CPA6: variants seen among roughly 807,000 people sequenced by gnomAD.
CPA6 encodes carboxypeptidase B.
A neutral mutation model predicts 63.3 loss-of-function variants in CPA6; 58 were observed. The ratio of observed to expected loss-of-function variants is 0.92; its 90% CI spans 0.74 to 1.14. The LOEUF (loss-of-function observed/expected upper bound fraction) is 1.14, where lower values mean the gene tolerates loss of function less well. Among genes scored for constraint, CPA6 ranks in the 50% most tolerant of loss-of-function variants. The probability of loss-of-function intolerance (pLI) is 0.00; values close to 1 mark genes in which losing one functional copy is unlikely to be tolerated. For missense variants in CPA6, 565 were observed against 526.6 expected (o/e 1.07, Z -0.71); for synonymous variants, 185 against 179.0 (o/e 1.03, Z -0.27).
chr8:67,520,134 C>T (rs542848721), intron 2 of CPA6, among the ~76,000 whole-genome samples: 16 of 151,284 alleles, frequency 1.1e-4, no homozygotes, highest in Admixed American at 9.9e-4. Context: ...TTGCTGCCAC[C>T]CCTTAATGCC....
chr8:67,620,891 A>G (rs1270489491), intron 2 of CPA6, among the ~76,000 whole-genome samples: 3 of 152,218 alleles, frequency 2.0e-5, no homozygotes, highest in Non-Finnish European at 4.4e-5. Context: ...CTTGGCTGGC[A>G]TTTGGAAAGT....
At chr8:67,594,751 C>T (rs1053947534) in intron 2 of CPA6, among the ~76,000 whole-genome samples, 1 of 152,170 alleles carries the variant, frequency 6.6e-6, no homozygotes, top group Admixed American at 6.5e-5. Flanking sequence ...AAGCACTTCT[C>T]TATATTGGTT....
chr8:67,599,628 T>G (rs73692549), intron 2 of CPA6, among the ~76,000 whole-genome samples: 5,115 of 152,306 alleles, frequency 0.034, 128 homozygotes, highest in African/African-American at 0.069. Context: ...AAAACAAGTA[T>G]GAGCCAATGC....
intron 2 of CPA6, among the ~76,000 whole-genome samples, chr8:67,612,317 T>C (rs1814829379): frequency 6.6e-6 from 1 of 152,204 alleles, no homozygotes; most frequent in South Asian, 2.1e-4. Context: ...GTATCTATAT[T>C]ATCAAAAGCC....
intron 2 of CPA6, among the ~76,000 whole-genome samples, chr8:67,570,245 A>C (rs967305574): frequency 2.0e-5 from 3 of 152,224 alleles, no homozygotes; most frequent in African/African-American, 7.2e-5. Context: ...AGGAAGAAAT[A>C]AAACTTCCCC....
chr8:67,639,088 G>C (rs427451), intron 1 of CPA6, among the ~76,000 whole-genome samples: 39,862 of 151,406 alleles, frequency 0.26, 5,814 homozygotes, highest in South Asian at 0.33. Context: ...ACAAAGAGCA[G>C]AATTAGGCCT....
intron 2 of CPA6, among the ~76,000 whole-genome samples, chr8:67,609,531 C>T (rs1814748609): frequency 1.3e-5 from 2 of 152,138 alleles, no homozygotes; most frequent in Admixed American, 1.3e-4. Context: ...TCTTGACCAA[C>T]CTTGTCCAAG....
intron 1 of CPA6, among the ~76,000 whole-genome samples, chr8:67,642,793 T>A (rs201158587): frequency 0.031 from 4,488 of 145,154 alleles, 89 homozygotes; most frequent in South Asian, 0.086. Context: ...GGCCTTTATC[T>A]CACACACACA....
At chr8:67,681,190 C>T (rs1816584572) in intron 1 of CPA6, among the ~76,000 whole-genome samples, 1 of 127,688 alleles carries the variant, frequency 7.8e-6, no homozygotes, top group African/African-American at 3.5e-5. Flanking sequence ...CCCAAGGTCA[C>T]AAAGATTTTC....
intron 1 of CPA6, among the ~76,000 whole-genome samples, chr8:67,670,549 A>C (rs994222560): frequency 1.3e-5 from 2 of 152,208 alleles, no homozygotes; most frequent in Admixed American, 6.5e-5. Context: ...ATCACTGATA[A>C]GCCATTTATT....
chr8:67,488,491 C>T (rs1811534085), intron 6 of CPA6, among the ~76,000 whole-genome samples: 2 of 152,184 alleles, frequency 1.3e-5, no homozygotes, highest in African/African-American at 4.8e-5. Flanking sequence ...TAGCCTGATG[C>T]CTCCAGCTTT....
chr8:67,676,151 C>A (rs1031736787), intron 1 of CPA6, among the ~76,000 whole-genome samples: 2 of 152,148 alleles, frequency 1.3e-5, no homozygotes, highest in African/African-American at 4.8e-5. Context: ...TGGTCTTTTG[C>A]TTTTTAGCGG....
At chr8:67,647,972 A>G (rs1306350925) in intron 1 of CPA6, among the ~76,000 whole-genome samples, 1 of 152,204 alleles carries the variant, frequency 6.6e-6, no homozygotes, top group Non-Finnish European at 1.5e-5. Context: ...GATATTGGGT[A>G]TCACTCTATG....
intron 2 of CPA6, among the ~76,000 whole-genome samples, chr8:67,534,724 T>TA (rs980631915): frequency 6.6e-5 from 10 of 151,780 alleles, no homozygotes; most frequent in South Asian, 2.1e-4. Flanking sequence ...CTTTTTTTTT[T>TA]AAAAAATTAT....
intron 1 of CPA6, among the ~76,000 whole-genome samples, chr8:67,696,923 C>CT (rs1044883416): frequency 1.3e-5 from 2 of 152,196 alleles, no homozygotes; most frequent in African/African-American, 4.8e-5. Flanking sequence ...TTGGAAGCAG[C>CT]TGCCCAACTA....
intron 2 of CPA6, among the ~76,000 whole-genome samples, chr8:67,565,169 TC>T (rs368988668): frequency 0.42 from 62,698 of 149,426 alleles, 15,260 homozygotes; most frequent in Non-Finnish European, 0.54. Flanking sequence ...TCTTTTTCTT[TC>T]TTTTTTTTTT....
At chr8:67,433,449 T>A (rs1363289400) in intron 9 of CPA6, among the ~76,000 whole-genome samples, 5 of 152,236 alleles carry the variant, frequency 3.3e-5, no homozygotes, top group African/African-American at 9.6e-5. Context: ...CATTTTTAAG[T>A]AATCTTATGC....
chr8:67,502,412 A>G (rs1811846932), intron 6 of CPA6, among the ~76,000 whole-genome samples: 1 of 152,226 alleles, frequency 6.6e-6, no homozygotes, highest in Non-Finnish European at 1.5e-5. Context: ...GCAGTGAGCC[A>G]TAATCATGCT....
intron 2 of CPA6, among the ~76,000 whole-genome samples, chr8:67,566,395 T>G (rs1202412235): frequency 6.6e-6 from 1 of 152,194 alleles, no homozygotes; most frequent in Non-Finnish European, 1.5e-5. Flanking sequence ...CAGCTGAGCC[T>G]CCACTTTCTC....
Sources: gnomAD v4.1 joint callset for allele counts (sites outside exome capture counted in the v4.1 genomes callset) on GRCh38, gnomAD v4.1.1 for gene constraint, MANE v1.5 for transcripts, NCBI Gene and HGNC (gene_info 2026-07-23, HGNC 2026-07-21) for gene names.